ADRA1A: variants seen among roughly 807,000 people sequenced by gnomAD.
ADRA1A encodes the protein alpha-1A adrenergic receptor.
In ADRA1A, 31 loss-of-function variants were observed where a neutral mutation model predicts 29.6. The observed-to-expected ratio is 1.05, with a 90% CI of 0.79 to 1.41. ADRA1A has a LOEUF of 1.41. Among genes scored for constraint, ADRA1A ranks in the 40% most tolerant of loss-of-function variants. ADRA1A has a pLI of 0.00. For synonymous variants in ADRA1A, 311 were observed against 254.3 expected, an observed-to-expected ratio of 1.22 and a Z score of -2.12; for missense variants, 619 against 601.1, an observed-to-expected ratio of 1.03 and a Z score of -0.31.
chr8:26,810,521 A>G (rs181495416), intron 2 of ADRA1A, among the ~76,000 whole-genome samples: 1 of 152,360 alleles, frequency 6.6e-6, no homozygotes, highest in African/African-American at 2.4e-5. Context: ...GGGATGACCT[A>G]AAACAATTCA....
intron 2 of ADRA1A, among the ~76,000 whole-genome samples, chr8:26,797,462 A>G (rs754330761): frequency 4.9e-4 from 75 of 151,810 alleles, no homozygotes; most frequent in Middle Eastern, 6.8e-3. Flanking sequence ...ATGCCTGGCT[A>G]ATTTTTTGAT....
At chr8:26,858,370 AC>A (rs758175582) in intron 2 of ADRA1A, among the ~76,000 whole-genome samples, 1 of 151,972 alleles carries the variant, frequency 6.6e-6, no homozygotes, top group Non-Finnish European at 1.5e-5. Context: ...AAGGACATCC[AC>A]CCCTCATGGC....
intron 2 of ADRA1A, among the ~76,000 whole-genome samples, chr8:26,780,410 C>T (rs536821077): frequency 6.6e-6 from 1 of 152,300 alleles, no homozygotes; most frequent in South Asian, 2.1e-4. Flanking sequence ...GTGACTGTGA[C>T]CTCAGCTCCT....
intron 2 of ADRA1A, 127 bp downstream of exon 2, chr8:26,863,960 G>T: frequency 2.1e-6 from 2 of 960,972 alleles, no homozygotes; most frequent in Non-Finnish European, 3.0e-6. Context: ...TTTTCTAATT[G>T]CCCTAGAGCT....
intron 2 of ADRA1A, among the ~76,000 whole-genome samples, chr8:26,818,992 C>A (rs575100457): frequency 6.6e-6 from 1 of 152,228 alleles, no homozygotes; most frequent in East Asian, 1.9e-4. Flanking sequence ...TTTTGATGTT[C>A]AGACTTCCAC....
chr8:26,770,326 G>C lies in ADRA1A; in HGVS notation c.1224C>G (p.Ala408=). The part of the protein sequence containing the change: ...KFFSSMPRGS[A]RITVSKDQSS... ...ATTGGTCTTTGGACACTGTAATCCT[G>C]GCAGATCCACGGGGCATGGAAGAGA... The change falls in exon 3 of 3, where the codon GCC becomes GCG. Residue 408 remains alanine (A), a synonymous_variant. Coordinates refer to ENST00000380573, the MANE Select transcript of ADRA1A (RefSeq NM_000680.4). 2 of 1,614,208 alleles carry C rather than the reference G, an allele frequency of 1.2e-6. No individual in the cohort carries two copies. The highest frequency in any genetic ancestry group is 1.7e-6 in the Non-Finnish European group (2 of 1,180,026).
chr8:26,813,051 C>T (rs920911733), intron 2 of ADRA1A, among the ~76,000 whole-genome samples: 14 of 151,982 alleles, frequency 9.2e-5, no homozygotes, highest in Non-Finnish European at 1.5e-4. Context: ...GCGCTATCGT[C>T]TAACTACAAT....
At chr8:26,852,617 C>T (rs894566029) in intron 2 of ADRA1A, among the ~76,000 whole-genome samples, 2 of 152,026 alleles carry the variant, frequency 1.3e-5, no homozygotes, top group Admixed American at 6.5e-5. Flanking sequence ...TAAAGATTAT[C>T]AAATCTGACG....
chr8:26,795,939 A>G (rs1172213675), intron 2 of ADRA1A, among the ~76,000 whole-genome samples: 1 of 152,134 alleles, frequency 6.6e-6, no homozygotes, highest in African/African-American at 2.4e-5. Flanking sequence ...TACTATATGG[A>G]CCTGATTTGG....
chr8:26,816,748 C>T (rs895982932), intron 2 of ADRA1A, among the ~76,000 whole-genome samples: 1 of 152,228 alleles, frequency 6.6e-6, no homozygotes, highest in Admixed American at 6.5e-5. Context: ...TCCACACACA[C>T]TTCTTGTAGC....
At chr8:26,810,922 A>G (rs1167549183) in intron 2 of ADRA1A, among the ~76,000 whole-genome samples, 1 of 152,238 alleles carries the variant, frequency 6.6e-6, no homozygotes, top group Non-Finnish European at 1.5e-5. Flanking sequence ...AAAAAATCCA[A>G]GATTCACTTC....
At position 26,814,571 on chromosome 8, in the gene ADRA1A, C is replaced by G. The variant is rs889460806; in HGVS notation, c.884-43905G>C. On this transcript the variant is annotated intron_variant, in intron 2 of 2. Transcript: ENST00000380573. Reference sequence around the variant, plus strand: ...GCCACTGTGCCTGGCCAAGTGATTCCTTTCATTTAGCTTTAATTTTACTTC... The same window carrying G: ...GCCACTGTGCCTGGCCAAGTGATTCGTTTCATTTAGCTTTAATTTTACTTC... 2.6e-5 allele frequency among the ~76,000 whole-genome samples: 4 copies of G among 152,340 alleles called. No individual in the cohort carries two copies. In the South Asian group the frequency reaches 8.3e-4, roughly 32 times the overall value.
At chr8:26,819,491 G>A (rs181803390) in intron 2 of ADRA1A, among the ~76,000 whole-genome samples, 7 of 152,198 alleles carry the variant, frequency 4.6e-5, no homozygotes, top group African/African-American at 1.7e-4. Flanking sequence ...CGTGTGTTGG[G>A]GGAGAGAAAT....
chr8:26,830,512 C>T (rs1298899235), intron 2 of ADRA1A, among the ~76,000 whole-genome samples: 1 of 152,130 alleles, frequency 6.6e-6, no homozygotes, highest in Non-Finnish European at 1.5e-5. Flanking sequence ...CACCCTGAAG[C>T]CAGACAATAT....
chr8:26,805,777 G>A lies in ADRA1A; in HGVS notation c.884-35111C>T, dbSNP rs920689123. On this transcript the variant is annotated intron_variant, in intron 2 of 2. Transcript: ENST00000380573. The surrounding 1 kb of genome is among the most constrained non-coding windows in gnomAD (Gnocchi z 4.8). ...AATCTTGATGAGCCAAGAGTTACTG[G>A]AACTTCAGTAAGCTCATTACTTGAA... Among the ~76,000 whole-genome samples, 2 of 152,144 alleles carry A rather than the reference G, an allele frequency of 1.3e-5. No individual in the cohort carries two copies. The highest frequency in any genetic ancestry group is 1.3e-4 in the Admixed American group (2 of 15,276).
chr8:26,850,025 C>A (rs1332386990), intron 2 of ADRA1A, among the ~76,000 whole-genome samples: 1 of 121,582 alleles, frequency 8.2e-6, no homozygotes. Context: ...GAGAGAAATG[C>A]AAAAACAAAA....
rs932710538 is a variant in ADRA1A at position 26,821,773 on chromosome 8, T to A, written c.883+42314A>T. Among the ~76,000 whole-genome samples the A allele has an allele frequency of 6.6e-6, 1 of 152,166 alleles. No homozygotes were observed. The highest frequency in any genetic ancestry group is 2.4e-5 in the African/African-American group (1 of 41,444). On this transcript the variant is annotated intron_variant, in intron 2 of 2. Transcript: ENST00000380573. The surrounding 1 kb of genome is among the most constrained non-coding windows in gnomAD (Gnocchi z 5.6). ...CCTTCTGCCCCACCCCGATCTTCAC[T>A]CCTGGAAATCACTAATCTGTTCTCT...
chr8:26,794,637 T>G (rs920391244), intron 2 of ADRA1A, among the ~76,000 whole-genome samples: 8 of 152,126 alleles, frequency 5.3e-5, no homozygotes, highest in East Asian at 1.9e-4. Context: ...TTTGTTTGAT[T>G]GTTAAAAATT....
intron 2 of ADRA1A, among the ~76,000 whole-genome samples, chr8:26,810,319 GT>G (rs1809287605): frequency 6.6e-6 from 1 of 152,210 alleles, no homozygotes; most frequent in Non-Finnish European, 1.5e-5. Flanking sequence ...ATGACTATGG[GT>G]TTTTTCCCTT....
Sources: gnomAD v4.1 joint callset for allele counts (sites outside exome capture counted in the v4.1 genomes callset) on GRCh38, gnomAD v4.1.1 for gene constraint, Gnocchi (gnomAD v3.1) non-coding constraint, MANE v1.5 for transcripts, NCBI Gene and HGNC (gene_info 2026-07-23, HGNC 2026-07-21) for gene names.